Variants in TCF7 observed in about 807,000 individuals in gnomAD.
TCF7 encodes T-cell-factor-7.
Under a neutral mutation model 46.8 loss-of-function variants are expected in TCF7, and 19 were observed. That is an observed-to-expected ratio of 0.41 (90% CI 0.28 to 0.60). The LOEUF (loss-of-function observed/expected upper bound fraction) is 0.60, where lower values mean the gene tolerates loss of function less well. Among genes scored for constraint, TCF7 ranks in the 20% least tolerant of loss-of-function variants. TCF7 has a pLI of 0.35. For synonymous variants in TCF7, 245 were observed against 213.4 expected (o/e 1.15, Z -1.29); for missense variants, 547 against 504.6 (o/e 1.08, Z -0.81).
At chr5:134,124,539 G>A (rs1410314696) in intron 3 of TCF7, among the ~76,000 whole-genome samples, 1 of 152,140 alleles carries the variant, frequency 6.6e-6, no homozygotes, top group Non-Finnish European at 1.5e-5. Context: ...GGCTCTGCTA[G>A]CAGACTACTC....
chr5:134,136,492 A>AAGGCTGT (rs1252310804), intron 3 of TCF7, among the ~76,000 whole-genome samples: 5 of 152,026 alleles, frequency 3.3e-5, no homozygotes, highest in African/African-American at 1.2e-4. Flanking sequence ...GGGAAGGGTG[A>AAGGCTGT]AGGCTGTAGC....
intron 2 of TCF7, 60 bp downstream of exon 2, chr5:134,115,447 C>G (rs1002856179): frequency 6.5e-7 from 1 of 1,545,000 alleles, no homozygotes; most frequent in African/African-American, 1.4e-5. Context: ...CTCGGTGGGA[C>G]GGGGACGCCA....
At chr5:134,120,389 C>G (rs1756403267) in intron 3 of TCF7, among the ~76,000 whole-genome samples, 2 of 152,252 alleles carry the variant, frequency 1.3e-5, no homozygotes, top group South Asian at 4.1e-4. Context: ...CTGATGAGAC[C>G]CCGCATCAGC....
At chr5:134,109,719 G>A (rs573096296), upstream of TCF7, among the ~76,000 whole-genome samples, 3 of 150,700 alleles carry the variant, frequency 2.0e-5, no homozygotes, top group African/African-American at 7.4e-5. Flanking sequence ...GCAGTGAGCC[G>A]AGATCGTGCC....
At chr5:134,128,167 C>T (rs887170907) in intron 3 of TCF7, among the ~76,000 whole-genome samples, 2 of 152,210 alleles carry the variant, frequency 1.3e-5, no homozygotes, top group East Asian at 1.9e-4. Flanking sequence ...CTGGCTCCCC[C>T]GTCCCATCCC....
At chr5:134,116,899 A>G (rs750902141) in intron 3 of TCF7, among the ~76,000 whole-genome samples, 5 of 152,234 alleles carry the variant, frequency 3.3e-5, no homozygotes, top group Non-Finnish European at 7.3e-5. Flanking sequence ...GGACTGTGGT[A>G]AGTGAGTGTT....
At chr5:134,112,890 C>T (rs970937252), upstream of TCF7, among the ~76,000 whole-genome samples, 3 of 152,176 alleles carry the variant, frequency 2.0e-5, no homozygotes, top group African/African-American at 7.2e-5. Context: ...GTCGGTGGAA[C>T]TCATGGGTCT....
At chr5:134,126,790 A>AG (rs1757406021) in intron 3 of TCF7, among the ~76,000 whole-genome samples, 1 of 152,080 alleles carries the variant, frequency 6.6e-6, no homozygotes, top group Non-Finnish European at 1.5e-5. Context: ...CCAGCTGCTC[A>AG]GGAGGCTGAG....
Position 134,146,394 on chromosome 5 carries a change from C to G in TCF7, c.*91C>G. 6.7e-7 allele frequency: 1 copy of G among 1,490,116 alleles called. No homozygotes were observed. Among genetic ancestry groups the G allele is most frequent in the Non-Finnish European group, 9.4e-7 (1 of 1,067,000 alleles). 92.3% of individuals were successfully genotyped at this position (1,490,116 alleles called of 1,614,324 possible). On this transcript the variant is annotated 3_prime_UTR_variant, in exon 10 of 10. Coordinates refer to ENST00000342854, the MANE Select transcript of TCF7 (RefSeq NM_003202.5). Reference sequence around the variant, plus strand: ...GAACTGCTTACTAGCCCTGCGGAGCCGGCACCTACATCCCCAGGTCTCTCC... The same window carrying G: ...GAACTGCTTACTAGCCCTGCGGAGCGGGCACCTACATCCCCAGGTCTCTCC...
chr5:134,114,758 GCAGCCCGCCCAGGCGGAGT>G lies in TCF7; in HGVS notation c.-140_-122del. On this transcript the variant is annotated 5_prime_UTR_variant, in exon 1 of 10. Transcript: ENST00000342854. The stretch of plus-strand genomic sequence containing the variant: ...CTGCCCCGCGCCCTAGCCCGCGCCT[GCAGCCCGCCCAGGCGGAGT>G]CAGCCCGCGCTCCGCCCGCCGCGAT... 1.2e-6 allele frequency: 1 copy of G among 808,608 alleles called. No homozygotes were observed. The highest frequency in any genetic ancestry group is 1.5e-6 in the Non-Finnish European group (1 of 670,476). The allele number at this position is 808,608 out of a possible 1,614,324, so 50.1% of individuals were successfully genotyped here.
At chr5:134,132,331 G>T (rs770171363) in intron 3 of TCF7, among the ~76,000 whole-genome samples, 1 of 152,148 alleles carries the variant, frequency 6.6e-6, no homozygotes, top group South Asian at 2.1e-4. Flanking sequence ...TTTTCTCTAG[G>T]CCTGAAGCAT....
At chr5:134,136,072 G>A (rs745931918) in intron 3 of TCF7, among the ~76,000 whole-genome samples, 31 of 152,184 alleles carry the variant, frequency 2.0e-4, no homozygotes, top group Non-Finnish European at 4.4e-4. Flanking sequence ...TGGGTTGAAG[G>A]GAGAATGAGG....
At chr5:134,145,146 C>A in intron 9 of TCF7, 1 of 632,358 alleles carries the variant, frequency 1.6e-6, no homozygotes, top group Admixed American at 1.9e-5. Flanking sequence ...TGCCAGTGGG[C>A]CTAGCAGGTC....
upstream of TCF7, among the ~76,000 whole-genome samples, chr5:134,110,142 G>A (rs550266298): frequency 1.3e-5 from 2 of 152,354 alleles, no homozygotes; most frequent in East Asian, 3.9e-4. Flanking sequence ...AACAAGCCCT[G>A]TGAAGCTCTG....
At chr5:134,119,766 C>T (rs1037991753) in intron 3 of TCF7, among the ~76,000 whole-genome samples, 13 of 152,250 alleles carry the variant, frequency 8.5e-5, no homozygotes, top group Admixed American at 2.0e-4. Context: ...TGCTGATGCA[C>T]GGCCAGCCTG....
chr5:134,140,045 A>G (rs1277737342), intron 5 of TCF7, among the ~76,000 whole-genome samples: 1 of 152,142 alleles, frequency 6.6e-6, no homozygotes, highest in Non-Finnish European at 1.5e-5. Flanking sequence ...GAAGACCAAG[A>G]GAGTTGAGCC....
chr5:134,110,688 GCT>G (rs909226504), upstream of TCF7, among the ~76,000 whole-genome samples: 2 of 152,248 alleles, frequency 1.3e-5, no homozygotes, highest in African/African-American at 4.8e-5. Flanking sequence ...TGCCAGGCGG[GCT>G]GGTGAGCAGG....
rs1580782869 is a variant in TCF7, at chr5:134,114,833, C to T, written c.-74C>T. ...CTCGGAGGTTCGGACTCCGGGCTCG[C>T]CGCCCCCCGGGCCGGCTCCGCGCCC... On this transcript the variant is annotated 5_prime_UTR_variant, in exon 1 of 10. Coordinates refer to ENST00000342854, the MANE Select transcript of TCF7 (RefSeq NM_003202.5). 1.0e-6 allele frequency: 1 copy of T among 980,820 alleles called. No homozygotes were observed. Among genetic ancestry groups the T allele is most frequent in the Non-Finnish European group, 1.2e-6 (1 of 828,130 alleles). 60.8% of individuals were successfully genotyped at this position (980,820 alleles called of 1,614,324 possible).
chr5:134,139,677 T>C (rs998551765), intron 5 of TCF7: 2 of 152,794 alleles, frequency 1.3e-5, no homozygotes, highest in East Asian at 1.9e-4. Flanking sequence ...GGCAGGCTAC[T>C]TGGCCCTTTA....
Sources: allele counts gnomAD v4.1 joint callset (sites outside exome capture counted in the v4.1 genomes callset), GRCh38; gene constraint gnomAD v4.1.1; transcripts MANE v1.5; gene names NCBI Gene and HGNC (gene_info 2026-07-23, HGNC 2026-07-21).